STK38L: variants seen among roughly 807,000 people sequenced by gnomAD.
STK38L encodes the protein serine/threonine kinase 38 like.
Under a neutral mutation model 59.7 loss-of-function variants are expected in STK38L, and 28 were observed. The ratio of observed to expected loss-of-function variants is 0.47; its 90% confidence interval spans 0.35 to 0.64. The LOEUF (loss-of-function observed/expected upper bound fraction) is 0.64. STK38L is among the 30% of genes least tolerant of loss of function. The pLI, the probability that STK38L is intolerant of heterozygous loss-of-function variation, is 0.01. For missense variants in STK38L, 314 were observed against 555.8 expected, an observed-to-expected ratio of 0.56 and a Z score of 4.37; for synonymous variants, 162 against 176.8, an observed-to-expected ratio of 0.92 and a Z score of 0.66.
chr12:27,312,806 C>A, intron 6 of STK38L, 134 bp downstream of exon 6: 2 of 1,059,136 alleles, frequency 1.9e-6, no homozygotes, highest in Non-Finnish European at 2.7e-6. Flanking sequence ...AAAATATTTA[C>A]TACCATATTG....
At chr12:27,276,380 A>G (rs1433862535) in intron 1 of STK38L, among the ~76,000 whole-genome samples, 1 of 152,194 alleles carries the variant, frequency 6.6e-6, no homozygotes, top group Non-Finnish European at 1.5e-5. Flanking sequence ...AACGAAGCCC[A>G]TTGAAGACAC....
At chr12:27,301,672 A>G (rs375793770) in intron 2 of STK38L, among the ~76,000 whole-genome samples, 1 of 152,212 alleles carries the variant, frequency 6.6e-6, no homozygotes, top group Admixed American at 6.5e-5. Context: ...GTTAAGGAAA[A>G]CTGAGCTTAG....
chr12:27,290,361 A>G (rs991840622), intron 1 of STK38L, among the ~76,000 whole-genome samples: 1 of 152,212 alleles, frequency 6.6e-6, no homozygotes, highest in African/African-American at 2.4e-5. Flanking sequence ...GCCACCATCA[A>G]AGCGTCATAT....
At chr12:27,301,866 A>C (rs571712965) in intron 2 of STK38L, among the ~76,000 whole-genome samples, 1 of 152,320 alleles carries the variant, frequency 6.6e-6, no homozygotes, top group South Asian at 2.1e-4. Context: ...CCATATTAGA[A>C]CATCAGTCAT....
chr12:27,304,258 CAAAAAAAAAAAA>C (rs34994566), intron 3 of STK38L, among the ~76,000 whole-genome samples: 2 of 62,866 alleles, frequency 3.2e-5, no homozygotes, highest in Non-Finnish European at 6.1e-5. Flanking sequence ...GAGTCTGTCT[CAAAAAAAAAAAA>C]AAAAAAAAAA....
intron 2 of STK38L, 118 bp from the exon 3 acceptor site, chr12:27,302,018 GT>G (rs34324091): frequency 0.16 from 84,252 of 534,112 alleles, 277 homozygotes; most frequent in Middle Eastern, 0.24. Flanking sequence ...CAACTTGAAA[GT>G]TTTTTTTTTT....
chr12:27,290,228 AT>A (rs1287185204), intron 1 of STK38L, among the ~76,000 whole-genome samples: 2 of 152,222 alleles, frequency 1.3e-5, no homozygotes, highest in African/African-American at 2.4e-5. Flanking sequence ...CTATTATTAT[AT>A]TTATTTAACA....
At chr12:27,302,105 T>C (rs748125044) in intron 2 of STK38L, 32 bp from the exon 3 acceptor site, 1 of 1,563,990 alleles carries the variant, frequency 6.4e-7, no homozygotes, top group Non-Finnish European at 8.8e-7. Flanking sequence ...TAGGAATGTA[T>C]TTAAAATTTA....
At chr12:27,290,752 T>C (rs995533885) in intron 1 of STK38L, among the ~76,000 whole-genome samples, 20 of 152,238 alleles carry the variant, frequency 1.3e-4, no homozygotes, top group Admixed American at 1.3e-4. Context: ...GATGTTGTAT[T>C]GTAAGGGGCC....
At chr12:27,245,088 C>G (rs564805273) in intron 1 of STK38L, among the ~76,000 whole-genome samples, 1 of 152,190 alleles carries the variant, frequency 6.6e-6, no homozygotes, top group African/African-American at 2.4e-5. Context: ...CCAGTGGCCT[C>G]CCCTTTTACT....
chr12:27,303,690 T>G (rs1944236975), intron 3 of STK38L, among the ~76,000 whole-genome samples: 1 of 152,080 alleles, frequency 6.6e-6, no homozygotes, highest in Non-Finnish European at 1.5e-5. Context: ...TAGAGAAGAT[T>G]TTTCCTCTAA....
At chr12:27,280,908 A>G (rs1943640485) in intron 1 of STK38L, among the ~76,000 whole-genome samples, 2 of 152,242 alleles carry the variant, frequency 1.3e-5, no homozygotes, top group Admixed American at 1.3e-4. Flanking sequence ...CTTTGTTAGA[A>G]GGTTAGACGA....
At chr12:27,310,807 G>A (rs768343034) in intron 5 of STK38L, among the ~76,000 whole-genome samples, 17 of 152,156 alleles carry the variant, frequency 1.1e-4, no homozygotes, top group Non-Finnish European at 2.1e-4. Context: ...CTGTGGGGAG[G>A]TGGGGGGCGG....
chr12:27,272,517 A>T (rs2136618928), intron 1 of STK38L, among the ~76,000 whole-genome samples: 1 of 152,280 alleles, frequency 6.6e-6, no homozygotes, highest in Middle Eastern at 3.4e-3. Context: ...ATTGCAAATT[A>T]ATTAGCTGCA....
chr12:27,321,911 C>T (rs1944737454), intron 12 of STK38L, among the ~76,000 whole-genome samples: 1 of 152,100 alleles, frequency 6.6e-6, no homozygotes, highest in Admixed American at 6.6e-5. Context: ...ATACCTACCA[C>T]ATAACCCCAA....
At chr12:27,311,983 G>T (rs890892199) in intron 5 of STK38L, among the ~76,000 whole-genome samples, 1 of 151,904 alleles carries the variant, frequency 6.6e-6, no homozygotes, top group Non-Finnish European at 1.5e-5. Flanking sequence ...GGGTTCAAGC[G>T]ATTCTCCTGC....
intron 5 of STK38L, among the ~76,000 whole-genome samples, chr12:27,311,081 T>G (rs1268166973): frequency 6.6e-6 from 1 of 152,240 alleles, no homozygotes; most frequent in Non-Finnish European, 1.5e-5. Flanking sequence ...GATCCTGTTT[T>G]GGAAAGGGAT....
At chr12:27,318,730 G>GGAATC (rs1565557623) in intron 11 of STK38L, among the ~76,000 whole-genome samples, 2 of 152,084 alleles carry the variant, frequency 1.3e-5, no homozygotes, top group African/African-American at 4.8e-5. Flanking sequence ...AGCAGCTCAT[G>GGAATC]CCTGGAATCC....
At chr12:27,267,586 A>G (rs914739579) in intron 1 of STK38L, among the ~76,000 whole-genome samples, 12 of 152,158 alleles carry the variant, frequency 7.9e-5, no homozygotes, top group Admixed American at 6.5e-5. Context: ...GTGCAGGAGT[A>G]TTTTTACAGT....
Sources: gnomAD v4.1 joint callset for allele counts (sites outside exome capture counted in the v4.1 genomes callset) on GRCh38, gnomAD v4.1.1 for gene constraint, MANE v1.5 for transcripts, NCBI Gene and HGNC (gene_info 2026-07-23, HGNC 2026-07-21) for gene names.